Variants in ENOX1 observed in about 807,000 individuals in gnomAD.
ENOX1 encodes ecto-NOX disulfide-thiol exchanger 1.
A neutral mutation model predicts 82.5 loss-of-function variants in ENOX1; 42 were observed. The ratio of observed to expected loss-of-function variants is 0.51; its 90% CI spans 0.40 to 0.66. ENOX1 has a LOEUF of 0.66. Ranked by LOEUF, ENOX1 falls within the 30% of genes least tolerant of loss-of-function variation. ENOX1 has a pLI of 0.00. For synonymous variants in ENOX1, 271 were observed against 282.2 expected, an observed-to-expected ratio of 0.96 and a Z score of 0.40; for missense variants, 608 against 811.6, an observed-to-expected ratio of 0.75 and a Z score of 3.05.
At chr13:43,479,705 T>C (rs1480821659) in intron 3 of ENOX1, among the ~76,000 whole-genome samples, 3 of 152,188 alleles carry the variant, frequency 2.0e-5, no homozygotes, top group African/African-American at 4.8e-5. Flanking sequence ...GGAAAGAGAA[T>C]GGTACCCGGA....
chr13:43,565,256 GA>G (rs1311854537), intron 2 of ENOX1, among the ~76,000 whole-genome samples: 4 of 152,282 alleles, frequency 2.6e-5, no homozygotes, highest in African/African-American at 9.6e-5. Context: ...ATTATGGCTG[GA>G]AAGAGCTTGA....
chr13:43,237,136 T>G (rs1291171088), intron 14 of ENOX1, among the ~76,000 whole-genome samples: 1 of 152,242 alleles, frequency 6.6e-6, no homozygotes, highest in Non-Finnish European at 1.5e-5. Flanking sequence ...TAAAAATTTC[T>G]GAGTGTGTGG....
intron 2 of ENOX1, among the ~76,000 whole-genome samples, chr13:43,598,091 C>T (rs2081547414): frequency 6.6e-6 from 1 of 152,118 alleles, no homozygotes; most frequent in African/African-American, 2.4e-5. Flanking sequence ...TCTTGTGTCT[C>T]CCGGCTCTAC....
Position 43,271,203 on chromosome 13 carries a change from A to T in ENOX1, c.1447-1626T>A, listed in dbSNP as rs1214627448. The stretch of plus-strand genomic sequence containing the variant: ...TCATGTTTGCTTATTGCAGCACTTG[A>T]GGTGGCAAAACCAAAAATAACTGAT... On this transcript the variant is annotated intron_variant, in intron 12 of 16. Coordinates refer to ENST00000690772, the MANE Select transcript of ENOX1 (RefSeq NM_001347969.2). Among the ~76,000 whole-genome samples the T allele has an allele frequency of 3.3e-5, 5 of 152,222 alleles. No individual in the cohort carries two copies. In the East Asian group the frequency reaches 9.6e-4, roughly 29 times the overall value.
chr13:43,598,953 C>T (rs376357388), intron 2 of ENOX1, among the ~76,000 whole-genome samples: 44 of 152,162 alleles, frequency 2.9e-4, no homozygotes, highest in African/African-American at 8.9e-4. Context: ...CACTGACCCA[C>T]GTAAATGTGT....
At chr13:43,484,898 G>T (rs1318067426) in intron 2 of ENOX1, among the ~76,000 whole-genome samples, 5 of 152,178 alleles carry the variant, frequency 3.3e-5, no homozygotes, top group Admixed American at 6.5e-5. Flanking sequence ...GAGAGAACTT[G>T]CTGGAAACTG....
At chr13:43,395,040 T>C (rs1371607040) in intron 5 of ENOX1, among the ~76,000 whole-genome samples, 2 of 152,174 alleles carry the variant, frequency 1.3e-5, no homozygotes, top group Non-Finnish European at 1.5e-5. Flanking sequence ...ACATCTGCCA[T>C]GAGCATGGGA....
rs1459786532 is a variant in ENOX1, at chr13:43,717,183, C to CA, written c.-284-49640dup. On this transcript the variant is annotated intron_variant, in intron 1 of 16. Coordinates refer to ENST00000690772, the MANE Select transcript of ENOX1 (RefSeq NM_001347969.2). Reference sequence around the variant, plus strand: ...TTACCCAAACAGCACGGTACTGGTACAAAAAAAGATACACAGACCAACAGA... The same window carrying CA: ...TTACCCAAACAGCACGGTACTGGTACAAAAAAAAGATACACAGACCAACAGA... 2.6e-5 allele frequency among the ~76,000 whole-genome samples: 4 copies of CA among 152,000 alleles called. No homozygotes were observed. The East Asian group carries it at 7.7e-4, about 29-fold the overall frequency.
chr13:43,669,991 A>T (rs2085178526), intron 1 of ENOX1, among the ~76,000 whole-genome samples: 1 of 152,110 alleles, frequency 6.6e-6, no homozygotes, highest in African/African-American at 2.4e-5. Context: ...ACCCACCATG[A>T]AACCAACTCT....
chr13:43,445,782 C>A (rs913632712), intron 3 of ENOX1, among the ~76,000 whole-genome samples: 1 of 152,164 alleles, frequency 6.6e-6, no homozygotes, highest in Admixed American at 6.5e-5. Context: ...AAAGAGCCTC[C>A]TGGGATGCAG....
intron 1 of ENOX1, among the ~76,000 whole-genome samples, chr13:43,729,529 A>C (rs975681915): frequency 1.3e-5 from 2 of 152,188 alleles, no homozygotes; most frequent in Non-Finnish European, 2.9e-5. Context: ...ATTTATTAAA[A>C]CATTTTTGTA....
At chr13:43,483,939 T>C in intron 3 of ENOX1, 70 bp downstream of exon 3, 1 of 896,264 alleles carries the variant, frequency 1.1e-6, no homozygotes, top group Non-Finnish European at 1.3e-6. Context: ...AGAGTACAAA[T>C]ATTTTCCATT....
At chr13:43,302,100 G>A (rs2046610161) in intron 11 of ENOX1, among the ~76,000 whole-genome samples, 2 of 88,008 alleles carry the variant, frequency 2.3e-5, no homozygotes, top group Non-Finnish European at 2.3e-5. Flanking sequence ...ATCCAAATAA[G>A]TATAAGGATT....
intron 8 of ENOX1, among the ~76,000 whole-genome samples, chr13:43,348,118 C>T (rs1045731244): frequency 1.3e-5 from 2 of 152,198 alleles, no homozygotes; most frequent in African/African-American, 4.8e-5. Flanking sequence ...TTGGGTCTCT[C>T]CCACTCCTGG....
chr13:43,300,910 C>A (rs2046536808), intron 11 of ENOX1, among the ~76,000 whole-genome samples: 1 of 149,784 alleles, frequency 6.7e-6, no homozygotes, highest in Admixed American at 6.6e-5. Flanking sequence ...CAGCACATAA[C>A]CCGCAGCATG....
At chr13:43,601,384 G>T (rs2081714556) in intron 2 of ENOX1, among the ~76,000 whole-genome samples, 1 of 152,032 alleles carries the variant, frequency 6.6e-6, no homozygotes, top group Non-Finnish European at 1.5e-5. Context: ...GCTGAAAAAT[G>T]CAGTTGACAC....
intron 15 of ENOX1, among the ~76,000 whole-genome samples, chr13:43,234,577 A>AG (rs2042433550): frequency 1.3e-5 from 2 of 152,206 alleles, no homozygotes; most frequent in African/African-American, 4.8e-5. Flanking sequence ...ACCAACAGTG[A>AG]GGGGAAAAGT....
At chr13:43,600,790 T>A (rs970761061) in intron 2 of ENOX1, among the ~76,000 whole-genome samples, 2 of 152,196 alleles carry the variant, frequency 1.3e-5, no homozygotes, top group Non-Finnish European at 2.9e-5. Context: ...GGGATGCTTA[T>A]GTCACCCCTC....
chr13:43,259,256 C>T (rs1205186127), intron 14 of ENOX1, among the ~76,000 whole-genome samples: 1 of 152,202 alleles, frequency 6.6e-6, no homozygotes. Flanking sequence ...TTAACCTCTA[C>T]ACTCTGCTGC....
Sources: gnomAD v4.1 joint callset for allele counts (sites outside exome capture counted in the v4.1 genomes callset) on GRCh38, gnomAD v4.1.1 for gene constraint, MANE v1.5 for transcripts, NCBI Gene and HGNC (gene_info 2026-07-23, HGNC 2026-07-21) for gene names.